DCC: variants seen among roughly 807,000 people sequenced by gnomAD.
DCC encodes the protein DCC netrin 1 receptor.
Under a neutral mutation model 172.5 loss-of-function variants are expected in DCC, and 58 were observed. The observed-to-expected ratio is 0.34, with a 90% CI of 0.27 to 0.42. DCC has a LOEUF of 0.42. Ranked by LOEUF, DCC falls within the 10% of genes least tolerant of loss-of-function variation. The pLI, the probability that DCC is intolerant of heterozygous loss-of-function variation, is 1.00. For missense variants in DCC, 1,740 were observed against 1,791.0 expected (o/e 0.97, Z 0.51); for synonymous variants, 709 against 644.5 (o/e 1.10, Z -1.52).
intron 1 of DCC, among the ~76,000 whole-genome samples, chr18:52,467,412 G>A (rs999292126): frequency 1.3e-5 from 2 of 152,112 alleles, no homozygotes; most frequent in Non-Finnish European, 2.9e-5. Context: ...ATTCCATGGT[G>A]TATATGTGTC....
At chr18:52,721,750 C>A (rs1255301667) in intron 1 of DCC, among the ~76,000 whole-genome samples, 1 of 152,162 alleles carries the variant, frequency 6.6e-6, no homozygotes, top group Non-Finnish European at 1.5e-5. Flanking sequence ...AATGGCCAGG[C>A]ACAGTGGCTC....
intron 25 of DCC, among the ~76,000 whole-genome samples, chr18:53,484,013 ATAGT>A (rs2045871412): frequency 1.4e-5 from 2 of 146,340 alleles, no homozygotes; most frequent in South Asian, 2.2e-4. Context: ...ATAGATAGAT[ATAGT>A]GTGTGTGTAT....
chr18:53,106,792 C>A (rs1395431450), intron 7 of DCC, among the ~76,000 whole-genome samples: 1 of 151,790 alleles, frequency 6.6e-6, no homozygotes, highest in Non-Finnish European at 1.5e-5. Flanking sequence ...AAAGAATGTG[C>A]CCACCTTAGG....
intron 1 of DCC, among the ~76,000 whole-genome samples, chr18:52,358,912 C>T (rs1003851900): frequency 1.2e-4 from 19 of 152,282 alleles, no homozygotes; most frequent in African/African-American, 4.3e-4. Flanking sequence ...TTACTATGTC[C>T]ACTGACAAGA....
chr18:53,334,846 C>A (rs1406989886), intron 14 of DCC, among the ~76,000 whole-genome samples: 1 of 152,130 alleles, frequency 6.6e-6, no homozygotes, highest in East Asian at 1.9e-4. Flanking sequence ...TTGGTGGAAA[C>A]TTTGATTTCT....
chr18:53,271,669 G>A lies in DCC; in HGVS notation c.1912-33909G>A, dbSNP rs144385965. ...CCAGCAAGACAGGGAAACTCAAGCC[G>A]GAAGCTATCTTTTGTGACCTTTTTG... On this transcript the variant is annotated intron_variant, in intron 12 of 28. Coordinates refer to ENST00000442544, the MANE Select transcript of DCC (RefSeq NM_005215.4). 4.0e-3 allele frequency among the ~76,000 whole-genome samples: 609 copies of A among 152,184 alleles called. 1 individual carries two copies. Among genetic ancestry groups the A allele is most frequent in the Non-Finnish European group, 6.9e-3 (468 of 68,002 alleles).
At chr18:52,751,408 A>G (rs932863335) in intron 1 of DCC, among the ~76,000 whole-genome samples, 1 of 152,186 alleles carries the variant, frequency 6.6e-6, no homozygotes, top group African/African-American at 2.4e-5. Flanking sequence ...TTCAACTGTA[A>G]TATTTATTTA....
chr18:52,474,524 C>T (rs975135306), intron 1 of DCC, among the ~76,000 whole-genome samples: 6 of 152,142 alleles, frequency 3.9e-5, no homozygotes, highest in African/African-American at 9.7e-5. Context: ...TGGCAGGCTA[C>T]GTGGTCTTTC....
At chr18:52,384,005 T>C (rs150978099) in intron 1 of DCC, among the ~76,000 whole-genome samples, 85 of 152,042 alleles carry the variant, frequency 5.6e-4, no homozygotes, top group African/African-American at 1.7e-3. Context: ...ATCACTTATT[T>C]TCTTACTTAA....
rs535404282 is a variant in DCC, at chr18:52,574,137, G to A, written c.92-177917G>A. On this transcript the variant is annotated intron_variant, in intron 1 of 28. Transcript: ENST00000442544. The stretch of plus-strand genomic sequence containing the variant: ...TTGAATTTCTATGATGTTGTTTAAC[G>A]TTTTTAAATCACTTTGTTAAATCAT... Among the ~76,000 whole-genome samples the A allele has an allele frequency of 2.3e-3, 350 of 152,194 alleles. 2 individuals are homozygous for A. The highest frequency in any genetic ancestry group is 7.8e-3 in the African/African-American group (324 of 41,548).
intron 1 of DCC, among the ~76,000 whole-genome samples, chr18:52,501,001 C>T (rs1342969065): frequency 4.6e-5 from 7 of 152,086 alleles, no homozygotes; most frequent in African/African-American, 1.7e-4. Flanking sequence ...TTGAAGTATG[C>T]ACATTAAAAT....
At chr18:52,607,024 A>T (rs1013106190) in intron 1 of DCC, among the ~76,000 whole-genome samples, 1 of 152,116 alleles carries the variant, frequency 6.6e-6, no homozygotes, top group Non-Finnish European at 1.5e-5. Context: ...GCTAAAGGTC[A>T]TTTTTTTGCT....
chr18:53,028,100 C>T (rs2041980975), intron 5 of DCC, among the ~76,000 whole-genome samples: 1 of 152,122 alleles, frequency 6.6e-6, no homozygotes, highest in Non-Finnish European at 1.5e-5. Context: ...CTAAAATACA[C>T]TGTGTCCAAG....
intron 1 of DCC, among the ~76,000 whole-genome samples, chr18:52,655,982 G>GTGCGTATATACA (rs1568277523): frequency 1.2e-4 from 15 of 121,660 alleles, no homozygotes; most frequent in African/African-American, 3.9e-4. Context: ...GTGTGTGTGT[G>GTGCGTATATACA]TGTGTATATA....
intron 7 of DCC, among the ~76,000 whole-genome samples, chr18:53,092,814 T>C (rs2043033306): frequency 6.6e-6 from 1 of 152,138 alleles, no homozygotes; most frequent in African/African-American, 2.4e-5. Context: ...TCACAGACCC[T>C]GATGTATCAT....
At chr18:52,933,404 G>A (rs189683921) in intron 5 of DCC, among the ~76,000 whole-genome samples, 33 of 151,836 alleles carry the variant, frequency 2.2e-4, no homozygotes, top group Admixed American at 2.0e-3. Flanking sequence ...ATGAGAGAAT[G>A]GGGGAGGGAG....
At chr18:52,607,815 A>C (rs948740210) in intron 1 of DCC, among the ~76,000 whole-genome samples, 1 of 152,172 alleles carries the variant, frequency 6.6e-6, no homozygotes, top group African/African-American at 2.4e-5. Flanking sequence ...AAAAGCATTA[A>C]AAACAAACAA....
At chr18:53,296,338 G>A (rs1568037393) in intron 12 of DCC, among the ~76,000 whole-genome samples, 1 of 152,050 alleles carries the variant, frequency 6.6e-6, no homozygotes, top group Non-Finnish European at 1.5e-5. Context: ...TTCCCTTAAA[G>A]TAGTTCTGAT....
chr18:52,459,678 C>T (rs1438624744), intron 1 of DCC, among the ~76,000 whole-genome samples: 1 of 151,890 alleles, frequency 6.6e-6, no homozygotes, highest in Non-Finnish European at 1.5e-5. Context: ...ACCATGTTAG[C>T]CAGGATGGTC....
Sources: gnomAD v4.1 joint callset for allele counts (sites outside exome capture counted in the v4.1 genomes callset) on GRCh38, gnomAD v4.1.1 for gene constraint, MANE v1.5 for transcripts, NCBI Gene and HGNC (gene_info 2026-07-23, HGNC 2026-07-21) for gene names.